The following USP33 variants were observed in gnomAD, a reference collection of about 807,000 sequenced individuals.
The protein encoded by USP33 is ubiquitin specific peptidase 33, also known as ubiquitin carboxyl-terminal hydrolase 33.
USP33 carries 46 observed loss-of-function variants against 124.2 expected under a neutral mutation model. The ratio of observed to expected loss-of-function variants is 0.37; its 90% confidence interval spans 0.29 to 0.47. USP33 has a LOEUF of 0.47. USP33 is among the 20% of genes least tolerant of loss of function. The probability of loss-of-function intolerance (pLI) is 0.99; values close to 1 mark genes in which losing one functional copy is unlikely to be tolerated. For synonymous variants in USP33, 350 were observed against 352.3 expected (o/e 0.99, Z 0.07); for missense variants, 851 against 1,070.6 (o/e 0.79, Z 2.86).
chr1:77,707,020 CA>C (rs561717152), intron 21 of USP33, among the ~76,000 whole-genome samples: 17 of 152,214 alleles, frequency 1.1e-4, no homozygotes, highest in African/African-American at 3.6e-4. Context: ...AATCAGCAAG[CA>C]AAGAGGAGGT....
intron 1 of USP33, among the ~76,000 whole-genome samples, chr1:77,751,855 A>AT (rs1353042485): frequency 1.3e-5 from 2 of 151,776 alleles, no homozygotes; most frequent in Non-Finnish European, 2.9e-5. Flanking sequence ...CACCCAGCTA[A>AT]TTTTTTGTAT....
rs774225736 is a variant in USP33 at position 77,723,400 on chromosome 1, G to A, written c.1320C>T (p.Tyr440=). 5 of 1,612,664 alleles carry A rather than the reference G, an allele frequency of 3.1e-6. No homozygotes were observed. The South Asian group carries it at 4.4e-5, about 14-fold the overall frequency. Residue 440 remains tyrosine (Y), a synonymous_variant, in exon 12 of 24, where the codon TAC becomes TAT. Coordinates refer to ENST00000370794, the MANE Select transcript of USP33 (RefSeq NM_201624.3). ...SPKRKKQHKK[Y]RSVISDIFDG... is the part of the protein sequence containing the mutation. ...CAAATATGTCTGAAATAACACTTCT[G>A]TATTTCTTGTGCTGTTTTTTTCTCT...
chr1:77,703,074 C>A (rs1394954210), intron 21 of USP33, among the ~76,000 whole-genome samples: 1 of 152,148 alleles, frequency 6.6e-6, no homozygotes, highest in Admixed American at 6.5e-5. Context: ...TCACAGATAC[C>A]CTTATAAAAA....
chr1:77,759,741 G>C lies in USP33; in HGVS notation c.-150C>G, dbSNP rs1020564142. On this transcript the variant is annotated 5_prime_UTR_variant, in exon 1 of 24. Transcript: ENST00000370794. ...TTTTCCTTCTCAGCTCTCGGAGAGG[G>C]GCAGTGTCGCGTCAGGAGGGCCGGA... is the stretch of plus-strand genomic sequence containing the variant. 8 of 398,050 alleles carry C rather than the reference G, an allele frequency of 2.0e-5. No individual in the cohort carries two copies. The highest frequency in any genetic ancestry group is 2.2e-5 in the Non-Finnish European group (5 of 225,736). The allele number at this position is 398,050 out of a possible 1,614,324, so 24.7% of individuals were successfully genotyped here. A position where few individuals can be genotyped will look rare whatever the true frequency, so the allele number is the denominator to read the frequency against.
intron 5 of USP33, among the ~76,000 whole-genome samples, chr1:77,736,744 G>A (rs1489658359): frequency 1.3e-5 from 2 of 151,968 alleles, no homozygotes; most frequent in Admixed American, 1.3e-4. Context: ...CAAGCAGCTG[G>A]GACTATAGGT....
chr1:77,719,024 T>C (rs757530756), intron 15 of USP33, among the ~76,000 whole-genome samples: 6 of 151,898 alleles, frequency 4.0e-5, no homozygotes, highest in Admixed American at 6.6e-5. Flanking sequence ...CATGTATACA[T>C]TAAATATCTT....
chr1:77,754,830 C>T (rs1680654813), intron 1 of USP33, among the ~76,000 whole-genome samples: 1 of 152,206 alleles, frequency 6.6e-6, no homozygotes, highest in Non-Finnish European at 1.5e-5. Flanking sequence ...CTATTCTTAA[C>T]ATTACCACTA....
intron 21 of USP33, chr1:77,711,526 CAT>C (rs1331862700): frequency 2.0e-5 from 10 of 491,762 alleles, no homozygotes; most frequent in East Asian, 1.1e-4. Flanking sequence ...GATTTTGTCT[CAT>C]ACACACACAC....
chr1:77,697,731 T>C, intron 23 of USP33, 132 bp downstream of exon 23: 3 of 1,050,540 alleles, frequency 2.9e-6, no homozygotes, highest in Non-Finnish European at 2.7e-6. Flanking sequence ...TGCTTTTCAT[T>C]ACTTGCCCTA....
intron 4 of USP33, among the ~76,000 whole-genome samples, chr1:77,740,251 T>TA (rs1442872689): frequency 1.3e-5 from 2 of 152,092 alleles, no homozygotes; most frequent in African/African-American, 4.8e-5. Context: ...AGCTGAGACT[T>TA]AAAGAAGTTA....
intron 11 of USP33, among the ~76,000 whole-genome samples, chr1:77,724,998 C>T (rs1404192416): frequency 1.3e-5 from 2 of 152,028 alleles, no homozygotes; most frequent in Admixed American, 1.3e-4. Flanking sequence ...GCCAAGATTG[C>T]ACCACTGTAC....
At chr1:77,749,409 T>C (rs1232438306) in intron 1 of USP33, among the ~76,000 whole-genome samples, 1 of 151,562 alleles carries the variant, frequency 6.6e-6, no homozygotes, top group Non-Finnish European at 1.5e-5. Context: ...GGAGACGGAG[T>C]CTCGCTCTGC....
intron 21 of USP33, among the ~76,000 whole-genome samples, chr1:77,706,470 T>C (rs2101212599): frequency 6.6e-6 from 1 of 152,338 alleles, no homozygotes; most frequent in Non-Finnish European, 1.5e-5. Flanking sequence ...TAAACACCTA[T>C]AACTTACACT....
chr1:77,706,786 T>C (rs1674681638), intron 21 of USP33, among the ~76,000 whole-genome samples: 1 of 152,216 alleles, frequency 6.6e-6, no homozygotes, highest in African/African-American at 2.4e-5. Context: ...TATGGTGGTT[T>C]TTCCCATAAC....
chr1:77,701,832 G>A (rs2101170689), intron 21 of USP33, among the ~76,000 whole-genome samples: 1 of 151,942 alleles, frequency 6.6e-6, no homozygotes, highest in South Asian at 2.1e-4. Context: ...ACCGCACCTG[G>A]CTAATTTTTG....
At chr1:77,722,246 C>T (rs568526647) in intron 12 of USP33, 50 bp from the exon 13 acceptor site, 21 of 1,456,226 alleles carry the variant, frequency 1.4e-5, no homozygotes, top group Non-Finnish European at 1.8e-5. Context: ...TGCAGTAAAA[C>T]ATTTCCAAGG....
chr1:77,701,345 A>G (rs1416696369), intron 22 of USP33, 24 bp downstream of exon 22: 6 of 1,557,528 alleles, frequency 3.9e-6, no homozygotes, highest in East Asian at 2.3e-5. Flanking sequence ...TTACCAAAAA[A>G]AAATTTTTCA....
At chr1:77,741,877 A>T in intron 1 of USP33, 129 bp from the exon 2 acceptor site, 1 of 907,468 alleles carries the variant, frequency 1.1e-6, no homozygotes, top group Non-Finnish European at 1.5e-6. Context: ...GAATGATATA[A>T]GTTTGCCCTG....
At chr1:77,703,792 A>G (rs917731024) in intron 21 of USP33, among the ~76,000 whole-genome samples, 3 of 152,170 alleles carry the variant, frequency 2.0e-5, no homozygotes, top group African/African-American at 7.2e-5. Flanking sequence ...ACAGTGGCTC[A>G]CTTGAGACCA....
Sources: allele counts gnomAD v4.1 joint callset (sites outside exome capture counted in the v4.1 genomes callset), GRCh38; gene constraint gnomAD v4.1.1; transcripts MANE v1.5; gene names NCBI Gene and HGNC (gene_info 2026-07-23, HGNC 2026-07-21).